Variants in SPATA13 observed in about 807,000 individuals in gnomAD.
The protein encoded by SPATA13 is spermatogenesis-associated protein 13.
SPATA13 carries 50 observed loss-of-function variants against 104.0 expected under a neutral mutation model. The ratio of observed to expected loss-of-function variants is 0.48; its 90% CI spans 0.38 to 0.61. SPATA13 has a LOEUF of 0.61. Ranked by LOEUF, SPATA13 falls within the 20% of genes least tolerant of loss-of-function variation. SPATA13 has a pLI of 0.00. For missense variants in SPATA13, 1,524 were observed against 1,690.6 expected, an observed-to-expected ratio of 0.90 and a Z score of 1.73; for synonymous variants, 606 against 667.5, an observed-to-expected ratio of 0.91 and a Z score of 1.42.
intron 3 of SPATA13, among the ~76,000 whole-genome samples, chr13:24,049,775 G>A (rs1221894201): frequency 6.6e-6 from 1 of 152,176 alleles, no homozygotes; most frequent in Non-Finnish European, 1.5e-5. Flanking sequence ...AGTACCTCAA[G>A]TGTCTGTCAT....
chr13:24,198,153 G>C (rs1870181142), intron 1 of SPATA13, among the ~76,000 whole-genome samples: 3 of 152,044 alleles, frequency 2.0e-5, no homozygotes, highest in Non-Finnish European at 4.4e-5. Context: ...CCGCCACCAT[G>C]CCAGCTAATT....
At chr13:24,197,011 T>C (rs1003261546) in intron 1 of SPATA13, among the ~76,000 whole-genome samples, 5 of 152,174 alleles carry the variant, frequency 3.3e-5, no homozygotes, top group Non-Finnish European at 7.4e-5. Flanking sequence ...CTTAGTTCTG[T>C]AGAAATCTTA....
intron 4 of SPATA13, among the ~76,000 whole-genome samples, chr13:24,259,077 T>C (rs1278504409): frequency 1.3e-5 from 2 of 152,236 alleles, no homozygotes; most frequent in Non-Finnish European, 2.9e-5. Context: ...CCTGGCCTTG[T>C]GCACTCTGAG....
At chr13:24,040,540 A>G (rs1365271401) in intron 3 of SPATA13, among the ~76,000 whole-genome samples, 1 of 152,172 alleles carries the variant, frequency 6.6e-6, no homozygotes, top group African/African-American at 2.4e-5. Flanking sequence ...CCACCAGGAC[A>G]CTGTGGACAT....
At chr13:24,134,947 C>A (rs780512038) in intron 3 of SPATA13, among the ~76,000 whole-genome samples, 48 of 152,046 alleles carry the variant, frequency 3.2e-4, no homozygotes, top group South Asian at 6.2e-4. Flanking sequence ...TGACTGGTGT[C>A]CTTAAAAAAG....
intron 1 of SPATA13, among the ~76,000 whole-genome samples, chr13:24,199,571 G>C (rs1319180867): frequency 6.6e-6 from 1 of 152,178 alleles, no homozygotes; most frequent in East Asian, 1.9e-4. Flanking sequence ...TCTGTGGTTT[G>C]TCTGTGTTTC....
chr13:24,162,487 G>C (rs775352181), intron 1 of SPATA13: 8 of 155,876 alleles, frequency 5.1e-5, no homozygotes, highest in Non-Finnish European at 1.2e-4. Flanking sequence ...TGTCAGAGGC[G>C]AGGAGTGGCA....
At chr13:24,243,823 G>A (rs1465860412) in intron 2 of SPATA13, among the ~76,000 whole-genome samples, 1 of 152,134 alleles carries the variant, frequency 6.6e-6, no homozygotes, top group African/African-American at 2.4e-5. Flanking sequence ...GGAGAAAACT[G>A]GGGGGTTAGC....
Position 24,294,845 on chromosome 13 carries a change from C to A in SPATA13, c.3187C>A (p.Gln1063Lys). 6.2e-7 allele frequency: 1 copy of A among 1,610,378 alleles called. No homozygotes were observed. Among genetic ancestry groups the A allele is most frequent in the Non-Finnish European group, 8.5e-7 (1 of 1,176,784 alleles). The stretch of plus-strand genomic sequence containing the variant: ...GAGCATCGACAAGATAGCTCGCTGG[C>A]AGGTGTCTATCGTGGGCTGGGAGGT... Reference protein sequence around the residue: ...LESIDKIARWQVSIVGWEGLD... With the variant: ...LESIDKIARWKVSIVGWEGLD... The change falls in exon 10 of 13, where the codon CAG becomes AAG. Residue 1063 changes from glutamine to lysine, a missense_variant. Around this residue, in one of 2 missense-constraint regions of SPATA13, gnomAD observed 435 missense variants for 554.8 expected, o/e 0.78. Coordinates refer to ENST00000382108, the MANE Select transcript of SPATA13 (RefSeq NM_001166271.3).
intron 3 of SPATA13, among the ~76,000 whole-genome samples, chr13:24,092,339 T>A (rs1001827802): frequency 3.9e-5 from 6 of 152,220 alleles, no homozygotes; most frequent in African/African-American, 1.2e-4. Context: ...CACTAGATAT[T>A]TATTTTACTT....
chr13:24,275,450 C>T (rs548805918), intron 4 of SPATA13, among the ~76,000 whole-genome samples: 5 of 152,314 alleles, frequency 3.3e-5, no homozygotes, highest in East Asian at 1.9e-4. Context: ...GTCAGAGAGG[C>T]GCTGATGGTC....
intron 3 of SPATA13, among the ~76,000 whole-genome samples, chr13:24,101,584 C>T (rs974901588): frequency 2.0e-5 from 3 of 152,202 alleles, no homozygotes; most frequent in African/African-American, 7.2e-5. Context: ...AGAAGATCCC[C>T]AGAGTGTTTT....
chr13:24,157,078 T>C (rs141487299), upstream of SPATA13, among the ~76,000 whole-genome samples: 1,036 of 152,332 alleles, frequency 6.8e-3, 7 homozygotes, highest in African/African-American at 0.024. Context: ...TCTGCTTCCC[T>C]AACCCGGTCT....
At chr13:24,016,744 G>C (rs2137693750) in intron 2 of SPATA13, among the ~76,000 whole-genome samples, 1 of 152,342 alleles carries the variant, frequency 6.6e-6, no homozygotes, top group Non-Finnish European at 1.5e-5. Flanking sequence ...GCCCCTGGAA[G>C]GCACTCTGGG....
intron 1 of SPATA13, among the ~76,000 whole-genome samples, chr13:24,195,448 A>T (rs568265457): frequency 1.3e-5 from 2 of 152,234 alleles, no homozygotes; most frequent in South Asian, 4.1e-4. Flanking sequence ...ACCTGTTTTC[A>T]GTTCTCTTGG....
intron 3 of SPATA13, among the ~76,000 whole-genome samples, chr13:24,089,400 T>G (rs973368685): frequency 2.0e-5 from 3 of 152,226 alleles, no homozygotes; most frequent in African/African-American, 7.2e-5. Context: ...TTCACTGCTG[T>G]GGACGCTAAG....
At chr13:24,179,678 A>G (rs1868678909) in intron 1 of SPATA13, among the ~76,000 whole-genome samples, 1 of 152,026 alleles carries the variant, frequency 6.6e-6, no homozygotes. Context: ...ACTTTTTCCC[A>G]TCTGCTTTAT....
chr13:24,107,217 G>T (rs1880481543), intron 3 of SPATA13, among the ~76,000 whole-genome samples: 1 of 120,358 alleles, frequency 8.3e-6, no homozygotes, highest in African/African-American at 3.2e-5. Context: ...GGGTACTCAA[G>T]TGCCCTTTTG....
At chr13:24,230,022 G>A (rs1191347251) in intron 2 of SPATA13, among the ~76,000 whole-genome samples, 1 of 152,210 alleles carries the variant, frequency 6.6e-6, no homozygotes, top group Non-Finnish European at 1.5e-5. Flanking sequence ...GAAGAAGGAG[G>A]ATTTCTACAG....
Sources: allele counts gnomAD v4.1 joint callset (sites outside exome capture counted in the v4.1 genomes callset), GRCh38; gene constraint gnomAD v4.1.1; regional missense constraint gnomAD v4.1.1; transcripts MANE v1.5; gene names NCBI Gene and HGNC (gene_info 2026-07-23, HGNC 2026-07-21).